SDHB: variants seen among roughly 807,000 people sequenced by gnomAD.
SDHB encodes the protein succinate dehydrogenase [ubiquinone] iron-sulfur subunit, mitochondrial.
SDHB carries 21 observed loss-of-function variants against 39.7 expected under a neutral mutation model. The ratio of observed to expected loss-of-function variants is 0.53; its 90% CI spans 0.37 to 0.76. SDHB has a LOEUF of 0.76. Among genes scored for constraint, SDHB ranks in the 30% least tolerant of loss-of-function variants. The pLI, the probability that SDHB is intolerant of heterozygous loss-of-function variation, is 0.00. For missense variants in SDHB, 343 were observed against 350.9 expected, an observed-to-expected ratio of 0.98 and a Z score of 0.18; for synonymous variants, 118 against 117.0, an observed-to-expected ratio of 1.01 and a Z score of -0.06.
intron 3 of SDHB, among the ~76,000 whole-genome samples, chr1:17,032,185 C>T (rs913734540): frequency 6.6e-6 from 1 of 151,858 alleles, no homozygotes; most frequent in Non-Finnish European, 1.5e-5. Context: ...ATTATACCAT[C>T]ATTAGTAATT....
chr1:17,037,351 A>G (rs1570953692), intron 2 of SDHB, among the ~76,000 whole-genome samples: 1 of 146,688 alleles, frequency 6.8e-6, no homozygotes, highest in South Asian at 2.2e-4. Flanking sequence ...CCCAGGCTGG[A>G]GTGTAGGGCA....
At chr1:17,022,319 A>G (rs939164618) in intron 7 of SDHB, among the ~76,000 whole-genome samples, 2 of 152,158 alleles carry the variant, frequency 1.3e-5, no homozygotes, top group African/African-American at 2.4e-5. Flanking sequence ...TTTCCTGGGA[A>G]GGTTGAACGC....
chr1:17,043,869 C>G (rs1325589073), intron 2 of SDHB, among the ~76,000 whole-genome samples: 5 of 152,158 alleles, frequency 3.3e-5, no homozygotes, highest in Non-Finnish European at 7.3e-5. Flanking sequence ...CTGCATTCCA[C>G]CAATAGCGCA....
chr1:17,026,393 C>A (rs1456816638), intron 5 of SDHB, among the ~76,000 whole-genome samples: 2 of 152,168 alleles, frequency 1.3e-5, no homozygotes, highest in Admixed American at 6.5e-5. Context: ...GAGACGGAGT[C>A]TTGCTCTGTT....
At chr1:17,021,126 C>T (rs1439295296) in intron 7 of SDHB, among the ~76,000 whole-genome samples, 1 of 152,236 alleles carries the variant, frequency 6.6e-6, no homozygotes, top group East Asian at 1.9e-4. Context: ...GGGCTGACAC[C>T]TGCTATGGTT....
intron 7 of SDHB, 132 bp from the exon 8 acceptor site, chr1:17,019,090 A>G: frequency 4.0e-6 from 3 of 753,802 alleles, no homozygotes; most frequent in Non-Finnish European, 7.1e-6. Context: ...AAGTCCCTCA[A>G]AACCATAGGG....
rs1057253284 is a variant in SDHB at position 17,040,864 on chromosome 1, T to G, written c.200+3897A>C. Among the ~76,000 whole-genome samples the G allele has an allele frequency of 2.0e-5, 3 of 151,298 alleles. No individual in the cohort carries two copies. The East Asian group carries it at 6.0e-4, about 30-fold the overall frequency. On this transcript the variant is annotated intron_variant, in intron 2 of 7. Coordinates refer to ENST00000375499, the MANE Select transcript of SDHB (RefSeq NM_003000.3). ...GATAATTTCGGCCGGGCATGGTGGCTCACGTCTGGAATCCCAGCACTTTGG... is the reference window on the plus strand; with the variant it reads ...GATAATTTCGGCCGGGCATGGTGGCGCACGTCTGGAATCCCAGCACTTTGG...
chr1:17,038,126 C>T (rs536433930), intron 2 of SDHB, among the ~76,000 whole-genome samples: 7 of 151,560 alleles, frequency 4.6e-5, no homozygotes, highest in South Asian at 4.2e-4. Flanking sequence ...GCAACAAGAG[C>T]GAAAACTCTG....
At chr1:17,023,008 T>G (rs962380210) in intron 6 of SDHB, 4 of 406,426 alleles carry the variant, frequency 9.8e-6, no homozygotes, top group Non-Finnish European at 1.9e-5. Flanking sequence ...TTATTTCACA[T>G]TGCTCAATAG....
chr1:17,028,767 A>C (rs1485555003), intron 3 of SDHB, 31 bp from the exon 4 acceptor site: 1 of 1,611,350 alleles, frequency 6.2e-7, no homozygotes, highest in Admixed American at 1.7e-5. Context: ...ACACATCCTC[A>C]CCCATATCCG....
chr1:17,044,382 T>C (rs1269842204), intron 2 of SDHB, among the ~76,000 whole-genome samples: 1 of 151,526 alleles, frequency 6.6e-6, no homozygotes, highest in Non-Finnish European at 1.5e-5. Flanking sequence ...TGGAGTGCAA[T>C]GGCATGATCT....
intron 2 of SDHB, among the ~76,000 whole-genome samples, chr1:17,039,129 C>T (rs1570954724): frequency 6.6e-6 from 1 of 151,806 alleles, no homozygotes; most frequent in Non-Finnish European, 1.5e-5. Context: ...TTGACGTGGC[C>T]GGATTTAGGT....
rs769359897 is a variant in SDHB, at chr1:17,022,618, G to A, written c.755C>T (p.Thr252Ile). The A allele has an allele frequency of 6.2e-7, 1 of 1,613,858 alleles. No homozygotes were observed. Among genetic ancestry groups the A allele is most frequent in the Non-Finnish European group, 8.5e-7 (1 of 1,179,868 alleles). ...ACCAGCCCCACGTACCTTAGGACAG[G>A]TCCTTGTGCAGTTCATGATGGTGTG... ...RCHTIMNCTR[T>I]CPKGLNPGKA... Residue 252 changes from threonine (T) to isoleucine (I), a missense_variant, in exon 7 of 8, where the codon ACC becomes ATC. Thr to Ile is a moderately conservative substitution (Grantham distance 89). Coordinates refer to ENST00000375499, the MANE Select transcript of SDHB (RefSeq NM_003000.3).
intron 1 of SDHB, 24 bp from the exon 2 acceptor site, chr1:17,044,912 A>T (rs762778359): frequency 6.2e-7 from 1 of 1,608,918 alleles, no homozygotes; most frequent in Non-Finnish European, 8.5e-7. Flanking sequence ...AAGTTCACAA[A>T]AAGGAAAAAA....
At chr1:17,024,401 T>G (rs1360621747) in intron 5 of SDHB, among the ~76,000 whole-genome samples, 1 of 152,108 alleles carries the variant, frequency 6.6e-6, no homozygotes, top group Non-Finnish European at 1.5e-5. Context: ...CTTCCTGGAA[T>G]GAGGTCAAGA....
At chr1:17,022,522 T>C in intron 7 of SDHB, 86 bp downstream of exon 7, 2 of 1,557,686 alleles carry the variant, frequency 1.3e-6, no homozygotes, top group Admixed American at 3.4e-5. Flanking sequence ...CTAGGGTTGC[T>C]CTCTGCCAAT....
At chr1:17,033,169 G>A (rs541059865) in intron 2 of SDHB, 24 bp from the exon 3 acceptor site, 1 of 1,551,870 alleles carries the variant, frequency 6.4e-7, no homozygotes, top group South Asian at 1.1e-5. Flanking sequence ...ATATCCAGTG[G>A]TATTTATGTA....
Position 17,033,150 on chromosome 1 carries a change from CA to C in SDHB, c.201-6del. 6.2e-7 allele frequency: 1 copy of C among 1,604,382 alleles called. No individual in the cohort carries two copies. The highest frequency in any genetic ancestry group is 8.5e-7 in the Non-Finnish European group (1 of 1,171,270). On this transcript the variant is annotated splice_region_variant and splice_polypyrimidine_tract_variant and intron_variant, in intron 2 of 7. Transcript: ENST00000375499. ...TCCAATACCATGGGGCCACATCTAA[CA>C]AAGAAAAATATCCAGTGGTATTTAT...
At position 17,018,926 on chromosome 1, in the gene SDHB, G is replaced by A. The variant is rs760042733; in HGVS notation, c.798C>T (p.Ile266=). The A allele has an allele frequency of 1.9e-6, 3 of 1,612,724 alleles. No homozygotes were observed. Among genetic ancestry groups the A allele is most frequent in the Middle Eastern group, 1.7e-4 (1 of 6,060 alleles). Residue 266 remains isoleucine, a synonymous_variant, in exon 8 of 8, where the codon ATC becomes ATT. Coordinates refer to ENST00000375499, the MANE Select transcript of SDHB (RefSeq NM_003000.3). ...CCTTATAGGTTGCCATCATTTTCTT[G>A]ATCTCTGCAATAGCTTTCCCTGGAT... The part of the protein sequence containing the change: ...GLNPGKAIAE[I]KKMMATYKEK...
Sources: allele counts gnomAD v4.1 joint callset (sites outside exome capture counted in the v4.1 genomes callset), GRCh38; gene constraint gnomAD v4.1.1; transcripts MANE v1.5; gene names NCBI Gene and HGNC (gene_info 2026-07-23, HGNC 2026-07-21).